The following ESF1 variants were observed in gnomAD, a reference collection of about 807,000 sequenced individuals.
ESF1 encodes ESF1 nucleolar pre-rRNA processing protein, also known as ESF1 homolog.
ESF1 carries 58 observed loss-of-function variants against 92.0 expected under a neutral mutation model. That is an observed-to-expected ratio of 0.63 (90% confidence interval 0.51 to 0.78). ESF1 has a LOEUF of 0.78. ESF1 is among the 30% of genes least tolerant of loss of function. The pLI, the probability that ESF1 is intolerant of heterozygous loss-of-function variation, is 0.00. For missense variants in ESF1, 922 were observed against 989.1 expected (o/e 0.93, Z 0.91); for synonymous variants, 321 against 313.7 (o/e 1.02, Z -0.24).
At chr20:13,738,867 A>G (rs2049993182) in intron 9 of ESF1, among the ~76,000 whole-genome samples, 1 of 152,242 alleles carries the variant, frequency 6.6e-6, no homozygotes, top group Non-Finnish European at 1.5e-5. Context: ...AAAGAAAAAA[A>G]TGAGTCAAAT....
chr20:13,772,002 T>G (rs1401308964), intron 5 of ESF1, among the ~76,000 whole-genome samples: 2 of 151,080 alleles, frequency 1.3e-5, no homozygotes, highest in African/African-American at 2.4e-5. Flanking sequence ...CTGTCACTAA[T>G]CTATTTAACC....
At position 13,784,857 on chromosome 20, in the gene ESF1, A is replaced by G. The variant is rs540350586; in HGVS notation, c.-44+23T>C. On this transcript the variant is annotated intron_variant, in intron 1 of 13. Transcript: ENST00000617257. ...TCAAGCCCTTCATCTCGAGCTCTTCAACTCCAGTCCATCCCCACTCACCGT... is the reference window on the plus strand; with the variant it reads ...TCAAGCCCTTCATCTCGAGCTCTTCGACTCCAGTCCATCCCCACTCACCGT... The G allele has an allele frequency of 3.5e-5, 21 of 595,224 alleles. No homozygotes were observed. In the African/African-American group the frequency reaches 3.9e-4, roughly 11 times the overall value. The allele number at this position is 595,224 out of a possible 1,614,324, so 36.9% of individuals were successfully genotyped here.
chr20:13,721,754 G>A (rs1476484942), intron 11 of ESF1, among the ~76,000 whole-genome samples: 1 of 152,180 alleles, frequency 6.6e-6, no homozygotes, highest in Non-Finnish European at 1.5e-5. Flanking sequence ...TTGCCTATCA[G>A]TGCTACCAAG....
At chr20:13,722,596 T>C (rs1270877243) in intron 11 of ESF1, among the ~76,000 whole-genome samples, 2 of 152,064 alleles carry the variant, frequency 1.3e-5, no homozygotes, top group Non-Finnish European at 2.9e-5. Flanking sequence ...ACACCTATAA[T>C]CCCAGCACTT....
At chr20:13,771,910 T>A (rs1292546396) in intron 5 of ESF1, among the ~76,000 whole-genome samples, 1 of 101,300 alleles carries the variant, frequency 9.9e-6, no homozygotes, top group Non-Finnish European at 1.9e-5. Flanking sequence ...CTACAACACA[T>A]TCTTTTTTTT....
At chr20:13,780,901 T>C (rs930910904) in intron 2 of ESF1, among the ~76,000 whole-genome samples, 1 of 152,260 alleles carries the variant, frequency 6.6e-6, no homozygotes, top group Admixed American at 6.5e-5. Context: ...GCTACTCATT[T>C]TGGCCCTTCA....
chr20:13,745,819 A>G (rs183172089), intron 9 of ESF1, among the ~76,000 whole-genome samples: 1 of 152,304 alleles, frequency 6.6e-6, no homozygotes, highest in Admixed American at 6.5e-5. Flanking sequence ...AAAGTTCAAA[A>G]TTAACAAAAC....
chr20:13,766,903 T>A lies in ESF1; in HGVS notation c.1540A>T (p.Thr514Ser). Reference sequence around the variant, plus strand: ...AGCATTGTAATTCTTTCATGATCAGTCTCATCCCAAGTGATTTCCACCTTT... The same window carrying A: ...AGCATTGTAATTCTTTCATGATCAGACTCATCCCAAGTGATTTCCACCTTT... ...TSTVEITWDE[T>S]DHERITMLNR... Residue 514 changes from threonine (T) to serine (S), a missense_variant, in exon 8 of 14, where the codon ACT (threonine) becomes TCT (serine). Physicochemically the swap from Thr to Ser is moderately conservative, Grantham distance 58. Coordinates refer to ENST00000617257, the MANE Select transcript of ESF1 (RefSeq NM_001276380.2). 6.2e-7 allele frequency: 1 copy of A among 1,612,544 alleles called. No homozygotes were observed. The highest frequency in any genetic ancestry group is 1.3e-5 in the African/African-American group (1 of 74,994).
chr20:13,716,918 C>T (rs370911907), intron 13 of ESF1, among the ~76,000 whole-genome samples: 19 of 146,742 alleles, frequency 1.3e-4, no homozygotes, highest in African/African-American at 3.0e-4. Flanking sequence ...CCTGGGTTCA[C>T]GCCATTCTCC....
At chr20:13,748,593 T>TGTATATATATATATATA (rs1466247619) in intron 9 of ESF1, among the ~76,000 whole-genome samples, 3 of 11,818 alleles carry the variant, frequency 2.5e-4, no homozygotes, top group African/African-American at 9.2e-4. Flanking sequence ...TATATATATA[T>TGTATATATATATATATA]TTTTTTTTTT....
At chr20:13,752,911 C>A (rs150550178) in intron 9 of ESF1, among the ~76,000 whole-genome samples, 2,516 of 152,232 alleles carry the variant, frequency 0.017, 21 homozygotes, top group Non-Finnish European at 0.023. Context: ...AAAGGGACTC[C>A]TCTTGCTGTG....
chr20:13,755,831 C>T (rs537708871), intron 9 of ESF1, among the ~76,000 whole-genome samples: 1 of 152,024 alleles, frequency 6.6e-6, no homozygotes, highest in East Asian at 1.9e-4. Flanking sequence ...TACTGTATAA[C>T]CCAATGTAAA....
At chr20:13,746,882 A>C (rs1251981915) in intron 9 of ESF1, among the ~76,000 whole-genome samples, 1 of 152,204 alleles carries the variant, frequency 6.6e-6, no homozygotes, top group Admixed American at 6.5e-5. Context: ...TATTAGGGTG[A>C]GTTTATATAA....
rs142948005 is a variant in ESF1 at position 13,743,146 on chromosome 20, A to G, written c.1829-9304T>C. 3.8e-3 allele frequency among the ~76,000 whole-genome samples: 574 copies of G among 152,342 alleles called. 3 individuals are homozygous for G. Among genetic ancestry groups the G allele is most frequent in the African/African-American group, 0.013 (530 of 41,582 alleles). The stretch of plus-strand genomic sequence containing the variant: ...ACAAATGGCCAACAGGTATATGAAA[A>G]GGTGCTCAACATCACGAGTATCAGA... On this transcript the variant is annotated intron_variant, in intron 9 of 13. Transcript: ENST00000617257.
At position 13,783,037 on chromosome 20, in the gene ESF1, T is replaced by C. The variant is rs1980292485; in HGVS notation, c.104A>G (p.Asp35Gly). 1 of 1,614,026 alleles carries C rather than the reference T, an allele frequency of 6.2e-7. No individual in the cohort carries two copies. The highest frequency in any genetic ancestry group is 8.5e-7 in the Non-Finnish European group (1 of 1,180,042). Residue 35 changes from aspartate to glycine, a missense_variant, in exon 2 of 14, where the codon GAC (aspartate) becomes GGC (glycine). Physicochemically the swap from Asp to Gly is moderately conservative, Grantham distance 94. Coordinates refer to ENST00000617257, the MANE Select transcript of ESF1 (RefSeq NM_001276380.2). ...ATGAAACATGGCTCGAAATCTCTTG[T>C]CAATTTTGACTTTTCGATCCTTTTC... ...MPEKDRKVKI[D>G]KRFRAMFHDK...
chr20:13,718,570 T>C (rs752297323), intron 12 of ESF1, among the ~76,000 whole-genome samples: 1 of 152,222 alleles, frequency 6.6e-6, no homozygotes, highest in Non-Finnish European at 1.5e-5. Context: ...TTAAAACTTA[T>C]GGCAATATTA....
At chr20:13,746,133 T>G (rs1292867021) in intron 9 of ESF1, among the ~76,000 whole-genome samples, 1 of 152,122 alleles carries the variant, frequency 6.6e-6, no homozygotes, top group Non-Finnish European at 1.5e-5. Context: ...CCTGGCTAAC[T>G]TCTGTATTTT....
chr20:13,739,886 G>A (rs1372153678), intron 9 of ESF1, among the ~76,000 whole-genome samples: 5 of 152,112 alleles, frequency 3.3e-5, no homozygotes, highest in East Asian at 3.9e-4. Context: ...GCCTGATCAC[G>A]GTGGGAGGTC....
At position 13,784,898 on chromosome 20, in the gene ESF1, G is replaced by C; in HGVS notation, c.-62C>G. The C allele has an allele frequency of 1.6e-6, 1 of 633,450 alleles. No homozygotes were observed. The highest frequency in any genetic ancestry group is 2.7e-5 in the East Asian group (1 of 36,544). 39.2% of individuals were successfully genotyped at this position (633,450 alleles called of 1,614,324 possible). On this transcript the variant is annotated 5_prime_UTR_variant, in exon 1 of 14. Transcript: ENST00000617257. ...CACTCACCGTCCGCAGTCCTACCAA[G>C]CCTCACGTGGGGCTCACACCCACAA...
Sources: gnomAD v4.1 joint callset for allele counts (sites outside exome capture counted in the v4.1 genomes callset) on GRCh38, gnomAD v4.1.1 for gene constraint, MANE v1.5 for transcripts, NCBI Gene and HGNC (gene_info 2026-07-23, HGNC 2026-07-21) for gene names.